Variants in ZNF618 observed in about 807,000 individuals in gnomAD.
ZNF618 encodes the protein neural precursor cell expressed, developmentally down-regulated 10.
In ZNF618, 34 loss-of-function variants were observed where a neutral mutation model predicts 103.0. The observed-to-expected ratio is 0.33, with a 90% confidence interval of 0.25 to 0.44. The LOEUF (loss-of-function observed/expected upper bound fraction) is 0.44. Among genes scored for constraint, ZNF618 ranks in the 20% least tolerant of loss-of-function variants. The pLI, the probability that ZNF618 is intolerant of heterozygous loss-of-function variation, is 1.00. For synonymous variants in ZNF618, 551 were observed against 542.2 expected (o/e 1.02, Z -0.23); for missense variants, 1,059 against 1,295.4 (o/e 0.82, Z 2.80).
chr9:113,919,204 C>T (rs1832408239), intron 1 of ZNF618, among the ~76,000 whole-genome samples: 1 of 152,116 alleles, frequency 6.6e-6, no homozygotes, highest in Non-Finnish European at 1.5e-5. Flanking sequence ...ACAGGGCTGG[C>T]AGAGCCTGGA....
chr9:113,964,523 A>C (rs1837178282), intron 1 of ZNF618, among the ~76,000 whole-genome samples: 1 of 151,912 alleles, frequency 6.6e-6, no homozygotes, highest in African/African-American at 2.4e-5. Context: ...TTTTACCAGA[A>C]ATTCCTCAAG....
At chr9:113,889,841 C>T (rs1342932853) in intron 1 of ZNF618, among the ~76,000 whole-genome samples, 1 of 152,192 alleles carries the variant, frequency 6.6e-6, no homozygotes, top group East Asian at 1.9e-4. Flanking sequence ...ATTTTGAGGA[C>T]CTGTGTGCCA....
chr9:113,983,791 C>A (rs920098204), intron 2 of ZNF618, among the ~76,000 whole-genome samples: 1 of 152,172 alleles, frequency 6.6e-6, no homozygotes, highest in East Asian at 1.9e-4. Flanking sequence ...CTCTGCTACA[C>A]GTCCTGTGCC....
intron 1 of ZNF618, among the ~76,000 whole-genome samples, chr9:113,936,946 T>C (rs1163794174): frequency 1.3e-5 from 2 of 152,200 alleles, no homozygotes; most frequent in Admixed American, 6.5e-5. Flanking sequence ...TGATTTTCTT[T>C]ATAAAACTTG....
intron 3 of ZNF618, among the ~76,000 whole-genome samples, chr9:113,995,191 G>A (rs1372054243): frequency 2.0e-5 from 3 of 150,076 alleles, no homozygotes; most frequent in Admixed American, 6.6e-5. Flanking sequence ...ATTGATCACT[G>A]TTTCACACTC....
rs1311969461 is a variant in ZNF618, at chr9:114,050,447, C to CACAT, written c.*283_*284insTACA. The CACAT allele has an allele frequency of 4.2e-6, 1 of 240,648 alleles. No individual in the cohort carries two copies. The highest frequency in any genetic ancestry group is 3.4e-5 in the African/African-American group (1 of 29,722). The allele number at this position is 240,648 out of a possible 1,614,324, so 14.9% of individuals were successfully genotyped here. A position where few individuals can be genotyped will look rare whatever the true frequency, so the allele number is the denominator to read the frequency against. ...CAGAGAAACTTTGCACACACGCACA[C>CACAT]ACACACACACACACACACACACACA... On this transcript the variant is annotated 3_prime_UTR_variant, in exon 15 of 15. Coordinates refer to ENST00000374126, the MANE Select transcript of ZNF618 (RefSeq NM_001318042.2).
At position 114,056,150 on chromosome 9, in the gene ZNF618, A is replaced by G. The variant is rs1337685289; in HGVS notation, c.*5983A>G. On this transcript the variant is annotated 3_prime_UTR_variant, in exon 15 of 15. Transcript: ENST00000374126. ...CCCCCGAGACCAAACTTGAGGGTTT[A>G]TTTAGGGTTTTCTGTTTGTCCTTTG... The G allele has an allele frequency of 6.6e-6, 1 of 152,042 alleles. No homozygotes were observed. The highest frequency in any genetic ancestry group is 1.5e-5 in the Non-Finnish European group (1 of 67,920). The allele number at this position is 152,042 out of a possible 1,614,324, so 9.4% of individuals were successfully genotyped here.
chr9:114,005,474 G>A (rs1222220135), intron 6 of ZNF618, among the ~76,000 whole-genome samples: 3 of 152,212 alleles, frequency 2.0e-5, no homozygotes, highest in Non-Finnish European at 4.4e-5. Flanking sequence ...GGGGGCTCAC[G>A]TTTTATTGGA....
chr9:113,940,687 A>G (rs1467254213), intron 1 of ZNF618, among the ~76,000 whole-genome samples: 1 of 152,112 alleles, frequency 6.6e-6, no homozygotes, highest in Admixed American at 6.5e-5. Context: ...TTGTAAAAAA[A>G]CTTTTTGTTT....
Position 114,002,066 on chromosome 9 carries a change from G to T in ZNF618, c.504G>T (p.Ala168=). 1 of 1,612,742 alleles carries T rather than the reference G, an allele frequency of 6.2e-7. No individual in the cohort carries two copies. Among genetic ancestry groups the T allele is most frequent in the Non-Finnish European group, 8.5e-7 (1 of 1,179,678 alleles). ...YYNCFQTHVR[A]HRDTEATSGE... The stretch of plus-strand genomic sequence containing the variant: ...ACTGCTTCCAGACCCACGTGCGGGC[G>T]CACCGAGGTGAGAGGAGTGTCCCTG... The change falls in exon 5 of 15, where the codon GCG becomes GCT. Residue 168 remains alanine, a synonymous_variant. Transcript: ENST00000374126.
At chr9:113,925,874 G>T (rs112551216) in intron 1 of ZNF618, among the ~76,000 whole-genome samples, 2 of 152,120 alleles carry the variant, frequency 1.3e-5, no homozygotes, top group African/African-American at 4.8e-5. Context: ...TATCCTGTTG[G>T]TGTTACTATT....
At chr9:113,938,470 C>A (rs1834230037) in intron 1 of ZNF618, among the ~76,000 whole-genome samples, 1 of 152,138 alleles carries the variant, frequency 6.6e-6, no homozygotes, top group Non-Finnish European at 1.5e-5. Context: ...GCGTGAGCCA[C>A]CACACCCAAC....
rs774548956 is a variant in ZNF618, at chr9:114,002,585, G to A, written c.512-39G>A. On this transcript the variant is annotated intron_variant, in intron 5 of 14. Transcript: ENST00000374126. The stretch of plus-strand genomic sequence containing the variant: ...TTGGCACTGGCCCTGTCATTGGCCC[G>A]GTAGCCCCACCCCCATCCCTCTCTC... The A allele has an allele frequency of 5.6e-6, 9 of 1,599,530 alleles. No individual in the cohort carries two copies. In the East Asian group the frequency reaches 9.0e-5, roughly 16 times the overall value.
At chr9:113,876,845 C>T (rs1414137568) in intron 1 of ZNF618, among the ~76,000 whole-genome samples, 1 of 151,062 alleles carries the variant, frequency 6.6e-6, no homozygotes, top group South Asian at 2.1e-4. Context: ...AGGTCTTTCC[C>T]CCCAGGTCCC....
intron 1 of ZNF618, among the ~76,000 whole-genome samples, chr9:113,912,938 A>G (rs1347449224): frequency 6.6e-6 from 1 of 152,074 alleles, no homozygotes; most frequent in East Asian, 1.9e-4. Flanking sequence ...TTGGGCCTTC[A>G]AGAAAACCCT....
Position 113,916,479 on chromosome 9 carries a change from C to G in ZNF618, c.33+40066C>G, listed in dbSNP as rs550787254. The stretch of plus-strand genomic sequence containing the variant: ...TTCTCTTGCAGTTAGGAAATGCCCA[C>G]TGTTGTTCTGTTGTAGAGGTAAGTG... On this transcript the variant is annotated intron_variant, in intron 1 of 14. Transcript: ENST00000374126. Among the ~76,000 whole-genome samples the G allele has an allele frequency of 3.9e-5, 6 of 152,264 alleles. No homozygotes were observed. In the East Asian group the frequency reaches 1.2e-3, roughly 29 times the overall value.
chr9:113,991,321 C>T (rs1246658351), intron 3 of ZNF618, among the ~76,000 whole-genome samples: 1 of 152,226 alleles, frequency 6.6e-6, no homozygotes, highest in African/African-American at 2.4e-5. Flanking sequence ...GCGTGGCCAT[C>T]CAAGGCGGCA....
At chr9:114,015,126 C>G (rs1842553629) in intron 9 of ZNF618, among the ~76,000 whole-genome samples, 1 of 151,946 alleles carries the variant, frequency 6.6e-6, no homozygotes, top group Non-Finnish European at 1.5e-5. Flanking sequence ...AAGTAACTTA[C>G]CATTTCCAAT....
intron 4 of ZNF618, among the ~76,000 whole-genome samples, chr9:114,001,507 G>C (rs1841206298): frequency 6.6e-6 from 1 of 152,192 alleles, no homozygotes; most frequent in South Asian, 2.1e-4. Flanking sequence ...CCAAGGTCAT[G>C]CTGCTGGTAA....
Sources: gnomAD v4.1 joint callset for allele counts (sites outside exome capture counted in the v4.1 genomes callset) on GRCh38, gnomAD v4.1.1 for gene constraint, MANE v1.5 for transcripts, NCBI Gene and HGNC (gene_info 2026-07-23, HGNC 2026-07-21) for gene names.